MACF1: variants seen among roughly 807,000 people sequenced by gnomAD.
MACF1 encodes microtubule-actin cross-linking factor 1.
MACF1 carries 193 observed loss-of-function variants against 854.8 expected under a neutral mutation model. That is an observed-to-expected ratio of 0.23 (90% CI 0.20 to 0.25). MACF1 has a LOEUF of 0.25. Among genes scored for constraint, MACF1 ranks in the 10% least tolerant of loss-of-function variants. MACF1 has a pLI of 1.00. For synonymous variants in MACF1, 3,185 were observed against 3,226.7 expected, an observed-to-expected ratio of 0.99 and a Z score of 0.44; for missense variants, 7,722 against 8,929.1, an observed-to-expected ratio of 0.86 and a Z score of 5.45.
At position 39,189,689 on chromosome 1, in the gene MACF1, C is replaced by CT. The variant is rs527910353; in HGVS notation, c.221-41485dup. ...GGTTATATTTCTTATCTATGGAAGC[C>CT]TTTTTTTTGACTTCCCCAACAGGAA... On this transcript the variant is annotated intron_variant, in intron 2 of 93. Transcript: ENST00000361689. 4.2e-3 allele frequency among the ~76,000 whole-genome samples: 633 copies of CT among 151,914 alleles called. 1 individual carries two copies. Among genetic ancestry groups the CT allele is most frequent in the Non-Finnish European group, 5.5e-3 (374 of 67,908 alleles).
chr1:39,106,799 CCT>C, intron 2 of MACF1, among the ~76,000 whole-genome samples: 1 of 139,874 alleles, frequency 7.1e-6, no homozygotes, highest in African/African-American at 2.6e-5. Flanking sequence ...CCCTCTCCCC[CCT>C]CCCCCCCACT....
At chr1:39,384,465 C>T (rs1374980965) in intron 56 of MACF1, among the ~76,000 whole-genome samples, 1 of 152,014 alleles carries the variant, frequency 6.6e-6, no homozygotes, top group East Asian at 1.9e-4. Context: ...GATGAGGAAG[C>T]TGGGGTTTGA....
rs1230970488 is a variant in MACF1 at position 39,105,007 on chromosome 1, G to A, written c.220+20569G>A. 2.0e-5 allele frequency among the ~76,000 whole-genome samples: 3 copies of A among 152,330 alleles called. No homozygotes were observed. Among genetic ancestry groups the A allele is most frequent in the East Asian group, 3.9e-4 (2 of 5,172 alleles). ...CCTCCTTTGTCCCGCTCCCGGCGGCGTAGGTCAGCGCTGACTGGGGCTCCC... is the reference window on the plus strand; with the variant it reads ...CCTCCTTTGTCCCGCTCCCGGCGGCATAGGTCAGCGCTGACTGGGGCTCCC... On this transcript the variant is annotated intron_variant, in intron 2 of 93. Transcript: ENST00000361689. The surrounding 1 kb of genome is among the most constrained non-coding windows in gnomAD (Gnocchi z 5.9).
At position 39,251,916 on chromosome 1, in the gene MACF1, A is replaced by G; in HGVS notation, c.332A>G (p.Gln111Arg). The change falls in exon 4 of 101, where the codon CAG becomes CGG. Residue 111 changes from glutamine to arginine, a missense_variant. Physicochemically the swap from Gln to Arg is conservative, Grantham distance 43 (BLOSUM62 1). This residue lies in a region of MACF1 where 82 missense variants were observed against 84.0 expected (regional missense o/e 0.98). Coordinates refer to ENST00000564288, the MANE Select transcript of MACF1 (RefSeq NM_001394062.1). ...PSWCHTNNEE[Q>R]AEEDDDDVPR... ...TGGTGCCATACAAACAACGAGGAGC[A>G]GGCGGAGGAAGATGATGATGATGTA... 1 of 1,516,850 alleles carries G rather than the reference A, an allele frequency of 6.6e-7. No individual in the cohort carries two copies. Among genetic ancestry groups the G allele is most frequent in the Admixed American group, 2.0e-5 (1 of 49,008 alleles). 94.0% of individuals were successfully genotyped at this position (1,516,850 alleles called of 1,614,324 possible).
At chr1:39,375,332 C>T (rs140511172) in intron 52 of MACF1, among the ~76,000 whole-genome samples, 2,496 of 151,538 alleles carry the variant, frequency 0.016, 72 homozygotes, top group African/African-American at 0.055. Context: ...GACGGAGTCT[C>T]GCTCTGTTGC....
At chr1:39,213,620 AG>A (rs1424482798) in intron 1 of MACF1, among the ~76,000 whole-genome samples, 1 of 152,208 alleles carries the variant, frequency 6.6e-6, no homozygotes, top group African/African-American at 2.4e-5. Context: ...TACAGGCGTG[AG>A]CCACTGCACT....
intron 46 of MACF1, 91 bp downstream of exon 46, chr1:39,358,964 T>A: frequency 6.8e-7 from 1 of 1,479,450 alleles, no homozygotes. Context: ...TTACATAAAA[T>A]AAAGGCAGTG....
chr1:39,259,633 G>A (rs1034668963), intron 6 of MACF1, among the ~76,000 whole-genome samples: 4 of 149,006 alleles, frequency 2.7e-5, no homozygotes, highest in African/African-American at 7.4e-5. Flanking sequence ...TTCTTTTTTT[G>A]TTTTTTGAGA....
In MACF1 at chr1:39,428,167, G is replaced by T. The variant is rs1434456008; in HGVS notation, c.16683G>T (p.Leu5561=). ...ACCAAGCTCTGTCTAATGCTAGGCT[G>T]TTTGGGGAGGATGAGGTGGAGGTGC... The part of the protein sequence containing the change: ...LLDQALSNAR[L]FGEDEVEVLN... The change falls in exon 63 of 101, where the codon CTG becomes CTT. Residue 5561 remains leucine, a synonymous_variant. Coordinates refer to ENST00000564288, the MANE Select transcript of MACF1 (RefSeq NM_001394062.1). The T allele has an allele frequency of 6.2e-7, 1 of 1,614,118 alleles. No individual in the cohort carries two copies. The highest frequency in any genetic ancestry group is 1.3e-5 in the African/African-American group (1 of 74,940).
At chr1:39,377,747 T>C (rs1649848355) in intron 52 of MACF1, among the ~76,000 whole-genome samples, 1 of 152,230 alleles carries the variant, frequency 6.6e-6, no homozygotes, top group Non-Finnish European at 1.5e-5. Flanking sequence ...CTCATGCCTA[T>C]AATCCCAGCA....
intron 50 of MACF1, among the ~76,000 whole-genome samples, chr1:39,369,532 T>C (rs113018201): frequency 4.5e-4 from 68 of 152,358 alleles, no homozygotes; most frequent in African/African-American, 1.4e-3. Flanking sequence ...CTGATAGATA[T>C]GGCCATTTCC....
chr1:39,201,050 T>C (rs779546440), upstream of MACF1, among the ~76,000 whole-genome samples: 35 of 152,190 alleles, frequency 2.3e-4, no homozygotes, highest in Non-Finnish European at 4.4e-4. Flanking sequence ...CCTCTGCATC[T>C]CTGGTATCAG....
intron 94 of MACF1, 40 bp downstream of exon 94, chr1:39,463,726 C>T (rs1644604308): frequency 6.4e-7 from 1 of 1,572,248 alleles, no homozygotes. Flanking sequence ...GTGGTGGTTT[C>T]TCATATGTGG....
At chr1:39,456,229 G>C (rs533650698) in intron 89 of MACF1, among the ~76,000 whole-genome samples, 1 of 152,132 alleles carries the variant, frequency 6.6e-6, no homozygotes, top group African/African-American at 2.4e-5. Flanking sequence ...AGCTACTCAG[G>C]CGGCTGAGGC....
intron 2 of MACF1, among the ~76,000 whole-genome samples, chr1:39,198,062 G>A (rs966656242): frequency 3.3e-5 from 5 of 152,126 alleles, no homozygotes; most frequent in African/African-American, 9.7e-5. Context: ...GCCAGACGTG[G>A]TGGCACATGC....
At chr1:39,263,006 C>T (rs1191974117) in intron 6 of MACF1, among the ~76,000 whole-genome samples, 1 of 138,178 alleles carries the variant, frequency 7.2e-6, no homozygotes, top group Non-Finnish European at 1.5e-5. Flanking sequence ...TCAGATTTGG[C>T]ATGGTATGTC....
chr1:39,388,379 T>C lies in MACF1; in HGVS notation c.15537T>C (p.Ser5179=). 1 of 1,614,148 alleles carries C rather than the reference T, an allele frequency of 6.2e-7. No homozygotes were observed. Among genetic ancestry groups the C allele is most frequent in the Non-Finnish European group, 8.5e-7 (1 of 1,180,010 alleles). Residue 5179 remains serine, a synonymous_variant, in exon 58 of 101, where the codon TCT becomes TCC. Transcript: ENST00000564288. ...IHVLKLDIEA[S]EAECRHMLEE... The stretch of plus-strand genomic sequence containing the variant: ...TCCTCAAATTAGACATAGAGGCCTC[T>C]GAAGCAGAGTGTCGACATATGCTAG...
intron 2 of MACF1, among the ~76,000 whole-genome samples, chr1:39,140,008 C>G (rs1643303441): frequency 6.6e-6 from 1 of 151,158 alleles, no homozygotes; most frequent in Admixed American, 6.6e-5. Flanking sequence ...GGCTGCAGTG[C>G]AGTGGTGTAA....
At chr1:39,468,825 C>CT in intron 96 of MACF1, 93 bp downstream of exon 96, 1 of 1,184,906 alleles carries the variant, frequency 8.4e-7, no homozygotes, top group East Asian at 2.3e-5. Flanking sequence ...TGGGGTCTGT[C>CT]TGTTTTTTAT....
Sources: allele counts gnomAD v4.1 joint callset (sites outside exome capture counted in the v4.1 genomes callset), GRCh38; gene constraint gnomAD v4.1.1; regional missense constraint gnomAD v4.1.1; non-coding constraint Gnocchi (gnomAD v3.1); transcripts MANE v1.5; gene names NCBI Gene and HGNC (gene_info 2026-07-23, HGNC 2026-07-21).